Variants in MYRFL observed in about 807,000 individuals in gnomAD.
MYRFL encodes the protein myelin regulatory factor like.
Under a neutral mutation model 109.4 loss-of-function variants are expected in MYRFL, and 88 were observed. That is an observed-to-expected ratio of 0.80 (90% CI 0.68 to 0.96). The LOEUF is 0.96. MYRFL is among the 40% of genes least tolerant of loss of function. The pLI is 0.00. For missense variants in MYRFL, 957 were observed against 954.9 expected, an observed-to-expected ratio of 1.00 and a Z score of -0.03; for synonymous variants, 324 against 320.9, an observed-to-expected ratio of 1.01 and a Z score of -0.10.
intron 1 of MYRFL, among the ~76,000 whole-genome samples, chr12:69,832,034 G>T (rs1207196330): frequency 6.6e-6 from 1 of 152,120 alleles, no homozygotes; most frequent in Non-Finnish European, 1.5e-5. Context: ...AAATTAATTG[G>T]CACTATTAAA....
intron 2 of MYRFL, among the ~76,000 whole-genome samples, chr12:69,859,293 C>T (rs11829067): frequency 0.046 from 7,030 of 152,110 alleles, 546 homozygotes; most frequent in African/African-American, 0.16. Context: ...GTTACGTATG[C>T]ACTTGGAAGA....
At chr12:69,897,498 T>C (rs1362664928) in intron 10 of MYRFL, among the ~76,000 whole-genome samples, 2 of 152,196 alleles carry the variant, frequency 1.3e-5, no homozygotes, top group African/African-American at 4.8e-5. Context: ...CCAGGCATTC[T>C]GCTCAGTACC....
At chr12:69,898,180 A>G (rs1002810636) in intron 10 of MYRFL, among the ~76,000 whole-genome samples, 3 of 152,214 alleles carry the variant, frequency 2.0e-5, no homozygotes, top group African/African-American at 7.2e-5. Flanking sequence ...AGATCTGCCC[A>G]TTTGGGGAAA....
chr12:69,826,532 G>T (rs1882288461), intron 1 of MYRFL, among the ~76,000 whole-genome samples: 1 of 152,078 alleles, frequency 6.6e-6, no homozygotes, highest in African/African-American at 2.4e-5. Context: ...TAGAGCTAGG[G>T]AAGACCTGAA....
chr12:69,948,540 G>C (rs2120535366), intron 19 of MYRFL, among the ~76,000 whole-genome samples: 1 of 152,190 alleles, frequency 6.6e-6, no homozygotes, highest in East Asian at 1.9e-4. Context: ...GAGAAGTCCT[G>C]GTTTCCACTT....
chr12:69,866,004 T>C (rs955615808), intron 2 of MYRFL, among the ~76,000 whole-genome samples: 1 of 152,140 alleles, frequency 6.6e-6, no homozygotes, highest in East Asian at 1.9e-4. Flanking sequence ...GTTTTACAGA[T>C]GGGGAGGATA....
chr12:69,855,218 T>C (rs1178387622), intron 1 of MYRFL, 62 bp from the exon 2 acceptor site: 9 of 675,686 alleles, frequency 1.3e-5, no homozygotes, highest in Non-Finnish European at 2.2e-5. Flanking sequence ...TTGTCAGTGT[T>C]TTTAGCCATT....
intron 2 of MYRFL, among the ~76,000 whole-genome samples, chr12:69,868,982 T>A (rs1343217270): frequency 6.6e-6 from 1 of 151,610 alleles, no homozygotes; most frequent in Admixed American, 6.6e-5. Context: ...ACACATGCAC[T>A]CACACATGCA....
intron 2 of MYRFL, among the ~76,000 whole-genome samples, chr12:69,862,823 G>A (rs1181705211): frequency 1.3e-5 from 2 of 152,158 alleles, no homozygotes; most frequent in Non-Finnish European, 2.9e-5. Context: ...TCCCTGTCTT[G>A]TGCCAGTTTT....
At chr12:69,877,181 G>A (rs905623749) in intron 2 of MYRFL, among the ~76,000 whole-genome samples, 1 of 151,668 alleles carries the variant, frequency 6.6e-6, no homozygotes, top group Non-Finnish European at 1.5e-5. Flanking sequence ...CTGCCACCAC[G>A]CCTGGCTCAT....
chr12:69,907,804 C>T (rs1954415330), intron 11 of MYRFL, among the ~76,000 whole-genome samples: 1 of 152,128 alleles, frequency 6.6e-6, no homozygotes, highest in Non-Finnish European at 1.5e-5. Flanking sequence ...AAAAGAGAAA[C>T]ACTCATTGAA....
intron 1 of MYRFL, among the ~76,000 whole-genome samples, chr12:69,847,388 T>G (rs907945587): frequency 4.6e-5 from 7 of 152,148 alleles, no homozygotes; most frequent in African/African-American, 1.7e-4. Context: ...ACAAATATTG[T>G]TTTTTTCAAA....
At chr12:69,860,741 T>A (rs1483909201) in intron 2 of MYRFL, among the ~76,000 whole-genome samples, 1 of 152,104 alleles carries the variant, frequency 6.6e-6, no homozygotes, top group Non-Finnish European at 1.5e-5. Context: ...TTTCTTTTTT[T>A]ATTTTATTAT....
At chr12:69,849,646 G>C (rs1883765602) in intron 1 of MYRFL, among the ~76,000 whole-genome samples, 1 of 152,170 alleles carries the variant, frequency 6.6e-6, no homozygotes, top group African/African-American at 2.4e-5. Context: ...TAGGGTGATG[G>C]TTATGGTGAA....
Position 69,886,631 on chromosome 12 carries a change from G to A in MYRFL, c.557-189G>A, listed in dbSNP as rs550709883. Reference sequence around the variant, plus strand: ...TGTTTACCCCCCACCCTTTGACAACGCTGACCCCAGGCTGCTCCTTTCACA... The same window carrying A: ...TGTTTACCCCCCACCCTTTGACAACACTGACCCCAGGCTGCTCCTTTCACA... On this transcript the variant is annotated intron_variant, in intron 5 of 24. Coordinates refer to ENST00000552032, the MANE Select transcript of MYRFL (RefSeq NM_182530.3). Among the ~76,000 whole-genome samples the A allele has an allele frequency of 6.3e-4, 96 of 152,080 alleles. 1 individual carries two copies. The highest frequency in any genetic ancestry group is 2.8e-3 in the Admixed American group (42 of 15,262).
chr12:69,927,817 C>G, intron 15 of MYRFL, 69 bp downstream of exon 15: 1 of 1,386,488 alleles, frequency 7.2e-7, no homozygotes, highest in Middle Eastern at 2.5e-4. Flanking sequence ...AGAAATCAGT[C>G]AAGAATTTTT....
chr12:69,946,666 C>T (rs1955846841), intron 19 of MYRFL: 1 of 152,122 alleles, frequency 6.6e-6, no homozygotes, highest in Non-Finnish European at 1.5e-5. Flanking sequence ...CACCACAGAC[C>T]CCTTTATGCA....
intron 1 of MYRFL, among the ~76,000 whole-genome samples, chr12:69,829,397 T>C (rs1298524374): frequency 6.6e-6 from 1 of 152,076 alleles, no homozygotes; most frequent in Non-Finnish European, 1.5e-5. Context: ...GGGGAAATGC[T>C]GAAGGCTTTG....
chr12:69,893,123 T>G (rs1351828169), intron 7 of MYRFL, among the ~76,000 whole-genome samples: 2 of 152,208 alleles, frequency 1.3e-5, no homozygotes, highest in African/African-American at 4.8e-5. Context: ...GAAAGATACA[T>G]ATTATTAAAA....
Sources: gnomAD v4.1 joint callset for allele counts (sites outside exome capture counted in the v4.1 genomes callset) on GRCh38, gnomAD v4.1.1 for gene constraint, MANE v1.5 for transcripts, NCBI Gene and HGNC (gene_info 2026-07-23, HGNC 2026-07-21) for gene names.